Variants in IMMP2L observed in about 807,000 individuals in gnomAD.
IMMP2L encodes the protein inner mitochondrial membrane peptidase subunit 2.
A neutral mutation model predicts 19.3 loss-of-function variants in IMMP2L; 18 were observed. The observed-to-expected ratio is 0.93, with a 90% CI of 0.64 to 1.38. The LOEUF is 1.38. Among genes scored for constraint, IMMP2L ranks in the 40% most tolerant of loss-of-function variants. IMMP2L has a pLI of 0.00. For missense variants in IMMP2L, 233 were observed against 218.2 expected (o/e 1.07, Z -0.43); for synonymous variants, 76 against 73.0 (o/e 1.04, Z -0.21).
At chr7:111,539,194 G>GGAACGAAGGAA (rs1563330607) in intron 1 of IMMP2L, among the ~76,000 whole-genome samples, 1 of 60,894 alleles carries the variant, frequency 1.6e-5, no homozygotes, top group Non-Finnish European at 3.1e-5. Context: ...GAAGGAAGGA[G>GGAACGAAGGAA]GGAGAAAGAA....
At chr7:111,372,249 T>C (rs1273342901) in intron 3 of IMMP2L, among the ~76,000 whole-genome samples, 2 of 151,998 alleles carry the variant, frequency 1.3e-5, no homozygotes. Context: ...ATCCCATAAA[T>C]ATATACACTT....
At chr7:111,427,159 T>C (rs989849915) in intron 3 of IMMP2L, among the ~76,000 whole-genome samples, 2 of 145,084 alleles carry the variant, frequency 1.4e-5, no homozygotes, top group African/African-American at 4.9e-5. Context: ...ATTTATCTGT[T>C]AGTGGCTGAG....
chr7:111,014,327 CT>C (rs1825273762), intron 3 of IMMP2L, among the ~76,000 whole-genome samples: 1 of 151,842 alleles, frequency 6.6e-6, no homozygotes, highest in Admixed American at 6.6e-5. Flanking sequence ...TGCACTCCAG[CT>C]TTGGCAGGAG....
intron 5 of IMMP2L, among the ~76,000 whole-genome samples, chr7:110,665,843 C>T (rs1289402489): frequency 1.3e-5 from 2 of 152,102 alleles, no homozygotes; most frequent in African/African-American, 4.8e-5. Flanking sequence ...ATGTAAATAT[C>T]CTATATGCCA....
chr7:111,097,029 G>A (rs1249153316), intron 3 of IMMP2L: 1 of 151,828 alleles, frequency 6.6e-6, no homozygotes, highest in Non-Finnish European at 1.5e-5. Flanking sequence ...ACTTCCAGGA[G>A]GTGAAGCATT....
intron 4 of IMMP2L, among the ~76,000 whole-genome samples, chr7:110,914,058 C>T (rs1813333321): frequency 6.6e-6 from 1 of 152,088 alleles, no homozygotes; most frequent in Admixed American, 6.6e-5. Context: ...CTTGAGCACT[C>T]AAAAAAACTG....
intron 5 of IMMP2L, among the ~76,000 whole-genome samples, chr7:110,805,882 C>A (rs1029979954): frequency 1.3e-5 from 2 of 151,778 alleles, no homozygotes; most frequent in African/African-American, 2.4e-5. Flanking sequence ...TAATGCTATA[C>A]CCCAAGCACA....
At chr7:111,048,258 A>G (rs1243161129) in intron 3 of IMMP2L, among the ~76,000 whole-genome samples, 31 of 149,012 alleles carry the variant, frequency 2.1e-4, no homozygotes, top group African/African-American at 7.6e-4. Flanking sequence ...AAAAAAAAAA[A>G]AAAAAAAGAA....
Position 110,928,219 on chromosome 7 carries a change from A to G in IMMP2L, c.305+35281T>C, listed in dbSNP as rs368513563. Reference sequence around the variant, plus strand: ...GATAAAAGCAAAAATACATTTAATTAATTTGATATTTTCTAAAAATATGGA... The same window carrying G: ...GATAAAAGCAAAAATACATTTAATTGATTTGATATTTTCTAAAAATATGGA... On this transcript the variant is annotated intron_variant, in intron 4 of 5. Coordinates refer to ENST00000405709, the MANE Select transcript of IMMP2L (RefSeq NM_032549.4). 1.2e-4 allele frequency among the ~76,000 whole-genome samples: 18 copies of G among 152,100 alleles called. No individual in the cohort carries two copies. In the East Asian group the frequency reaches 3.1e-3, roughly 26 times the overall value.
At chr7:111,510,794 T>C (rs1845370454) in intron 2 of IMMP2L, among the ~76,000 whole-genome samples, 1 of 152,164 alleles carries the variant, frequency 6.6e-6, no homozygotes, top group South Asian at 2.1e-4. Flanking sequence ...GCTGCTATTG[T>C]CATCTGCTTC....
At chr7:111,086,487 A>T (rs1279373598) in intron 3 of IMMP2L, among the ~76,000 whole-genome samples, 3 of 152,126 alleles carry the variant, frequency 2.0e-5, no homozygotes, top group African/African-American at 7.2e-5. Context: ...ACCTATAGGT[A>T]AATAAGAACC....
rs140754959 is a variant in IMMP2L, at chr7:110,877,619, C to T, written c.408+8974G>A. On this transcript the variant is annotated intron_variant, in intron 5 of 5. Transcript: ENST00000405709. This position sits in a 1 kb window ranked among gnomAD's most constrained non-coding sequence, Gnocchi z 4.0. ...GACAGGATCAAAAGGGTTTGACTGC[C>T]CTGCTAATGACTTTACACTAGCTAT... Among the ~76,000 whole-genome samples, 2 of 152,098 alleles carry T rather than the reference C, an allele frequency of 1.3e-5. No individual in the cohort carries two copies. The highest frequency in any genetic ancestry group is 2.9e-5 in the Non-Finnish European group (2 of 68,028).
chr7:110,747,083 C>A (rs1044752336), intron 5 of IMMP2L, among the ~76,000 whole-genome samples: 1 of 152,100 alleles, frequency 6.6e-6, no homozygotes, highest in Admixed American at 6.5e-5. Flanking sequence ...CACCAATTCC[C>A]ACAGAAATAT....
At chr7:111,201,492 G>GA (rs1810115117) in intron 3 of IMMP2L, among the ~76,000 whole-genome samples, 1 of 152,048 alleles carries the variant, frequency 6.6e-6, no homozygotes, top group African/African-American at 2.4e-5. Context: ...GAGGGGGGCA[G>GA]ACTGCTTGAG....
chr7:111,366,635 CTG>C (rs1440387306), intron 3 of IMMP2L, among the ~76,000 whole-genome samples: 5 of 151,832 alleles, frequency 3.3e-5, no homozygotes, highest in Admixed American at 6.6e-5. Flanking sequence ...GGATATTATA[CTG>C]TGATTATATA....
chr7:111,460,554 T>C (rs1336511028), intron 3 of IMMP2L, among the ~76,000 whole-genome samples: 1 of 152,050 alleles, frequency 6.6e-6, no homozygotes, highest in Non-Finnish European at 1.5e-5. Context: ...TTTTTTTAAG[T>C]GGTTAAAGAA....
At chr7:111,266,730 G>A (rs568619084) in intron 3 of IMMP2L, among the ~76,000 whole-genome samples, 8 of 152,060 alleles carry the variant, frequency 5.3e-5, no homozygotes, top group South Asian at 2.1e-4. Context: ...CTAAGACTAC[G>A]GCATTTTCCT....
intron 3 of IMMP2L, among the ~76,000 whole-genome samples, chr7:111,291,009 A>C (rs1821046768): frequency 6.6e-6 from 1 of 152,002 alleles, no homozygotes; most frequent in Non-Finnish European, 1.5e-5. Context: ...GAAAGAAGGA[A>C]GTGTGTTCAA....
intron 3 of IMMP2L, among the ~76,000 whole-genome samples, chr7:111,191,920 G>A (rs1411577019): frequency 6.6e-6 from 1 of 151,998 alleles, no homozygotes; most frequent in African/African-American, 2.4e-5. Flanking sequence ...GTAGACGCAG[G>A]TGAGAGAGCT....
Sources: allele counts gnomAD v4.1 joint callset (sites outside exome capture counted in the v4.1 genomes callset), GRCh38; gene constraint gnomAD v4.1.1; non-coding constraint Gnocchi (gnomAD v3.1); transcripts MANE v1.5; gene names NCBI Gene and HGNC (gene_info 2026-07-23, HGNC 2026-07-21).